The following SORCS1 variants were observed in gnomAD, a reference collection of about 807,000 sequenced individuals.
SORCS1 encodes the protein sortilin related VPS10 domain containing receptor 1.
Under a neutral mutation model 146.1 loss-of-function variants are expected in SORCS1, and 60 were observed. The observed-to-expected ratio is 0.41, with a 90% CI of 0.33 to 0.51. SORCS1 has a LOEUF of 0.51. Among genes scored for constraint, SORCS1 ranks in the 20% least tolerant of loss-of-function variants. The pLI is 0.21. For synonymous variants in SORCS1, 637 were observed against 584.0 expected, an observed-to-expected ratio of 1.09 and a Z score of -1.31; for missense variants, 1,352 against 1,487.6, an observed-to-expected ratio of 0.91 and a Z score of 1.50.
chr10:106,698,637 G>A (rs1178563921), intron 9 of SORCS1, among the ~76,000 whole-genome samples: 1 of 152,186 alleles, frequency 6.6e-6, no homozygotes, highest in Non-Finnish European at 1.5e-5. Flanking sequence ...ACTCTGCTAA[G>A]CTCTGTTCTT....
In SORCS1 at chr10:106,743,613, C is replaced by T. The variant is rs377719477; in HGVS notation, c.960-13499G>A. 7.2e-5 allele frequency among the ~76,000 whole-genome samples: 11 copies of T among 152,056 alleles called. No homozygotes were observed. The South Asian group carries it at 1.2e-3, about 17-fold the overall frequency. ...CTAATTTTTGTATGTTTAGTGGAGA[C>T]GGGGTTTCACCATGTTGGTCAGGCT... is the stretch of plus-strand genomic sequence containing the variant. On this transcript the variant is annotated intron_variant, in intron 5 of 25. Transcript: ENST00000263054.
chr10:107,100,848 G>C (rs979227426), intron 1 of SORCS1, among the ~76,000 whole-genome samples: 2 of 151,482 alleles, frequency 1.3e-5, no homozygotes, highest in African/African-American at 4.9e-5. Context: ...CTCCCTCTTT[G>C]AGAAAATAAT....
intron 1 of SORCS1, among the ~76,000 whole-genome samples, chr10:107,008,826 T>C (rs1957563074): frequency 6.6e-6 from 1 of 152,118 alleles, no homozygotes; most frequent in Non-Finnish European, 1.5e-5. Flanking sequence ...TGAAACCCCG[T>C]CTCTACTAAA....
intron 3 of SORCS1, among the ~76,000 whole-genome samples, chr10:106,798,939 A>T (rs576290550): frequency 6.6e-6 from 1 of 152,338 alleles, no homozygotes; most frequent in South Asian, 2.1e-4. Context: ...CTAAGCCAAA[A>T]GAACAAAGCT....
intron 2 of SORCS1, among the ~76,000 whole-genome samples, chr10:106,922,248 A>G (rs58162038): frequency 0.014 from 2,205 of 152,238 alleles, 49 homozygotes; most frequent in African/African-American, 0.05. Flanking sequence ...ACACACAACT[A>G]CCACTGAGCA....
intron 18 of SORCS1, among the ~76,000 whole-genome samples, chr10:106,632,910 GATGA>G (rs901379067): frequency 6.6e-6 from 1 of 152,148 alleles, no homozygotes; most frequent in African/African-American, 2.4e-5. Context: ...AAATGGAGGA[GATGA>G]ATGAGTGAGG....
chr10:106,904,970 T>C (rs1271217573), intron 2 of SORCS1, among the ~76,000 whole-genome samples: 1 of 152,164 alleles, frequency 6.6e-6, no homozygotes, highest in Non-Finnish European at 1.5e-5. Context: ...ATAATGAAAA[T>C]GCAAATATTG....
At chr10:106,949,636 C>T (rs1402737633) in intron 2 of SORCS1, among the ~76,000 whole-genome samples, 6 of 152,202 alleles carry the variant, frequency 3.9e-5, no homozygotes, top group African/African-American at 1.2e-4. Flanking sequence ...TACAGAATCA[C>T]ATCAAAAGCC....
chr10:107,044,914 AAGGGTTAACACATGCTGC>A (rs769890290), intron 1 of SORCS1, among the ~76,000 whole-genome samples: 24 of 152,058 alleles, frequency 1.6e-4, no homozygotes, highest in Non-Finnish European at 2.8e-4. Context: ...TTTTATATTG[AAGGGTTAACACATGCTGC>A]AGGAGATGGA....
At chr10:107,000,793 A>G (rs537248567) in intron 1 of SORCS1, among the ~76,000 whole-genome samples, 42 of 152,278 alleles carry the variant, frequency 2.8e-4, no homozygotes, top group African/African-American at 1.0e-3. Context: ...GCTCAAATAA[A>G]TATAATATGA....
At chr10:106,651,763 T>C (rs1849882660) in intron 18 of SORCS1, among the ~76,000 whole-genome samples, 1 of 152,242 alleles carries the variant, frequency 6.6e-6, no homozygotes, top group Non-Finnish European at 1.5e-5. Flanking sequence ...AATTCCTGTG[T>C]ATGTTCTAAA....
chr10:106,814,162 A>G (rs1947618468), intron 3 of SORCS1, among the ~76,000 whole-genome samples: 2 of 152,226 alleles, frequency 1.3e-5, no homozygotes, highest in African/African-American at 4.8e-5. Context: ...GAAAGCATCA[A>G]GCTTATCCTG....
chr10:106,749,257 G>C (rs1295466049), intron 5 of SORCS1, among the ~76,000 whole-genome samples: 2 of 152,210 alleles, frequency 1.3e-5, no homozygotes, highest in Non-Finnish European at 2.9e-5. Context: ...GTAGTGAGAG[G>C]CAGATGCAGA....
At chr10:106,647,805 A>G (rs1849559055) in intron 18 of SORCS1, among the ~76,000 whole-genome samples, 2 of 152,244 alleles carry the variant, frequency 1.3e-5, no homozygotes, top group Non-Finnish European at 2.9e-5. Context: ...CTGAAGTGAC[A>G]AAAATCACTA....
In SORCS1 at chr10:106,657,798, G is replaced by A. The variant is rs898940846; in HGVS notation, c.2304-5245C>T. Among the ~76,000 whole-genome samples, 10 of 151,374 alleles carry A rather than the reference G, an allele frequency of 6.6e-5. 1 individual carries two copies. The East Asian group carries it at 9.7e-4, about 15-fold the overall frequency. ...TCATTCTCTTACTCTATGAATTTGG[G>A]CAATTTACCCATCCTCTCTCAAATC... On this transcript the variant is annotated intron_variant, in intron 17 of 25. Coordinates refer to ENST00000263054, the MANE Select transcript of SORCS1 (RefSeq NM_052918.5).
At chr10:106,929,737 CCA>C (rs928605368) in intron 2 of SORCS1, among the ~76,000 whole-genome samples, 1 of 151,312 alleles carries the variant, frequency 6.6e-6, no homozygotes, top group Non-Finnish European at 1.5e-5. Context: ...AAACAAATGA[CCA>C]CACACAATTG....
chr10:106,907,084 G>A (rs1951940716), intron 2 of SORCS1, among the ~76,000 whole-genome samples: 1 of 152,152 alleles, frequency 6.6e-6, no homozygotes, highest in South Asian at 2.1e-4. Context: ...CAAATAACTT[G>A]CCAGTAGATG....
At chr10:106,741,229 GA>G (rs534950628) in intron 5 of SORCS1, among the ~76,000 whole-genome samples, 1 of 151,160 alleles carries the variant, frequency 6.6e-6, no homozygotes, top group Admixed American at 6.6e-5. Context: ...TCTTTTCATA[GA>G]AAAAAAAATT....
At chr10:106,780,491 C>A (rs140103283) in intron 3 of SORCS1, among the ~76,000 whole-genome samples, 7 of 152,182 alleles carry the variant, frequency 4.6e-5, no homozygotes, top group Non-Finnish European at 1.0e-4. Context: ...AAAGAGAGGT[C>A]ATTGTCTGCC....
Sources: gnomAD v4.1 joint callset for allele counts (sites outside exome capture counted in the v4.1 genomes callset) on GRCh38, gnomAD v4.1.1 for gene constraint, MANE v1.5 for transcripts, NCBI Gene and HGNC (gene_info 2026-07-23, HGNC 2026-07-21) for gene names.